Variants in ZNF521 observed in about 807,000 individuals in gnomAD.
The protein encoded by ZNF521 is zinc finger protein 521.
Under a neutral mutation model 105.5 loss-of-function variants are expected in ZNF521, and 14 were observed. That is an observed-to-expected ratio of 0.13 (90% confidence interval 0.09 to 0.21). The LOEUF is 0.21. Among genes scored for constraint, ZNF521 ranks in the 10% least tolerant of loss-of-function variants. The pLI is 1.00. For missense variants in ZNF521, 1,233 were observed against 1,629.7 expected (o/e 0.76, Z 4.19); for synonymous variants, 635 against 606.0 (o/e 1.05, Z -0.70).
intron 3 of ZNF521, among the ~76,000 whole-genome samples, chr18:25,274,447 A>G (rs1363367166): frequency 6.6e-6 from 1 of 152,202 alleles, no homozygotes; most frequent in Non-Finnish European, 1.5e-5. Context: ...TAAAATGCAG[A>G]CTATTACCAT....
intron 3 of ZNF521, among the ~76,000 whole-genome samples, chr18:25,309,944 A>T (rs1912200621): frequency 6.6e-6 from 1 of 152,198 alleles, no homozygotes; most frequent in Admixed American, 6.5e-5. Context: ...ATTTCTTTTA[A>T]ATTTTTTTAA....
intron 3 of ZNF521, among the ~76,000 whole-genome samples, chr18:25,285,710 A>T (rs928826672): frequency 0.07 from 10,490 of 149,682 alleles, 1,162 homozygotes; most frequent in African/African-American, 0.25. Flanking sequence ...ACACACACAC[A>T]CACACACACA....
chr18:25,324,584 T>G (rs1456526895), intron 2 of ZNF521, among the ~76,000 whole-genome samples: 6 of 152,182 alleles, frequency 3.9e-5, no homozygotes, highest in Non-Finnish European at 5.9e-5. Context: ...CTTGGTTGTT[T>G]AGCATGAGTT....
chr18:25,120,577 C>A (rs2144345122), intron 5 of ZNF521, among the ~76,000 whole-genome samples: 1 of 33,236 alleles, frequency 3.0e-5, no homozygotes, highest in African/African-American at 1.0e-4. Flanking sequence ...GAGCAAAACT[C>A]CATCTAAAAA....
At chr18:25,161,277 C>T (rs2035246605) in intron 5 of ZNF521, among the ~76,000 whole-genome samples, 1 of 152,114 alleles carries the variant, frequency 6.6e-6, no homozygotes, top group Non-Finnish European at 1.5e-5. Context: ...TTTGTTTGGA[C>T]ACATTTCCTT....
intron 1 of ZNF521, 142 bp from the exon 2 acceptor site, chr18:25,351,089 C>T (rs1463519738): frequency 1.7e-5 from 6 of 362,438 alleles, no homozygotes; most frequent in African/African-American, 2.2e-5. Context: ...CCGCTCCTCG[C>T]TCCGGCTCCG....
At chr18:25,323,974 T>C (rs764164292) in intron 2 of ZNF521, among the ~76,000 whole-genome samples, 2 of 152,106 alleles carry the variant, frequency 1.3e-5, no homozygotes, top group Non-Finnish European at 2.9e-5. Flanking sequence ...GTTTTGTTTG[T>C]TGGGTTTTTT....
chr18:25,147,602 T>A (rs1350348109), intron 5 of ZNF521, among the ~76,000 whole-genome samples: 1 of 152,148 alleles, frequency 6.6e-6, no homozygotes, highest in Non-Finnish European at 1.5e-5. Context: ...TTAATATTGA[T>A]CTTTAAACAA....
chr18:25,100,171 A>G lies in ZNF521; in HGVS notation c.3659-8090T>C, dbSNP rs114728194. On this transcript the variant is annotated intron_variant, in intron 5 of 7. Transcript: ENST00000361524. ...AAGGAGAAAGTCTCCAAACACTGAA[A>G]AGCTGTTTATCCTTGCTAGAAAGCA... Among the ~76,000 whole-genome samples, 853 of 151,752 alleles carry G rather than the reference A, an allele frequency of 5.6e-3. 2 individuals are homozygous for G. Among genetic ancestry groups the G allele is most frequent in the African/African-American group, 0.02 (808 of 41,392 alleles).
rs78124376 is a variant in ZNF521 at position 25,129,414 on chromosome 18, C to T, written c.3659-37333G>A. Among the ~76,000 whole-genome samples the T allele has an allele frequency of 5.6e-3, 852 of 151,484 alleles. 7 individuals carry two copies. Among genetic ancestry groups the T allele is most frequent in the African/African-American group, 0.019 (804 of 41,320 alleles). The stretch of plus-strand genomic sequence containing the variant: ...GAAGACAACAGGAAAATCTAGGTAC[C>T]GGGTGTTTGGCAATAAATTTTTAGA... On this transcript the variant is annotated intron_variant, in intron 5 of 7. Coordinates refer to ENST00000361524, the MANE Select transcript of ZNF521 (RefSeq NM_015461.3).
chr18:25,118,436 C>CA (rs2034371254), intron 5 of ZNF521, among the ~76,000 whole-genome samples: 1 of 151,434 alleles, frequency 6.6e-6, no homozygotes, highest in Non-Finnish European at 1.5e-5. Context: ...TTACTTAGAG[C>CA]AAAAAATTAT....
At chr18:25,190,601 G>T (rs2035801732) in intron 5 of ZNF521, among the ~76,000 whole-genome samples, 1 of 152,150 alleles carries the variant, frequency 6.6e-6, no homozygotes, top group Non-Finnish European at 1.5e-5. Context: ...CTTCAGAGGT[G>T]ATACTGAAAG....
chr18:25,281,053 T>C (rs1910345820), intron 3 of ZNF521, among the ~76,000 whole-genome samples: 1 of 152,190 alleles, frequency 6.6e-6, no homozygotes, highest in African/African-American at 2.4e-5. Context: ...AGTTGTGAAA[T>C]TTCTCTTACA....
At chr18:25,124,666 G>A (rs2034505795) in intron 5 of ZNF521, among the ~76,000 whole-genome samples, 1 of 151,860 alleles carries the variant, frequency 6.6e-6, no homozygotes, top group Admixed American at 6.6e-5. Flanking sequence ...TTTTCAATTG[G>A]AGAAACAAAT....
chr18:25,265,550 A>G (rs1476169379), intron 3 of ZNF521, among the ~76,000 whole-genome samples: 3 of 152,174 alleles, frequency 2.0e-5, no homozygotes, highest in African/African-American at 7.2e-5. Flanking sequence ...CTCCTCATTC[A>G]TTCTCACATC....
At position 25,226,042 on chromosome 18, in the gene ZNF521, C is replaced by T. The variant is rs778740110; in HGVS notation, c.1876G>A (p.Ala626Thr). ...TATTCTCCAGTGGGACGTGCAGGTGCACCTCCTACTGCCTGCATCATCTTA... is the reference window on the plus strand; with the variant it reads ...TATTCTCCAGTGGGACGTGCAGGTGTACCTCCTACTGCCTGCATCATCTTA... ...SLKMMQAVGG[A>T]PARPTGEYIC... is the part of the protein sequence containing the mutation. The change falls in exon 4 of 8, where the codon GCA becomes ACA. Residue 626 changes from alanine (A) to threonine (T), a missense_variant. Ala to Thr is a moderately conservative substitution (Grantham distance 58). Around this residue, in one of 6 missense-constraint regions of ZNF521, gnomAD observed 614 missense variants for 751.5 expected, o/e 0.82. Coordinates refer to ENST00000361524, the MANE Select transcript of ZNF521 (RefSeq NM_015461.3). The surrounding 1 kb of genome is among the most constrained non-coding windows in gnomAD (Gnocchi z 4.1). 2 of 1,614,082 alleles carry T rather than the reference C, an allele frequency of 1.2e-6. No homozygotes were observed. Among genetic ancestry groups the T allele is most frequent in the South Asian group, 1.1e-5 (1 of 91,090 alleles).
chr18:25,321,981 G>A (rs1476879403), intron 3 of ZNF521, 27 bp downstream of exon 3: 1 of 1,604,388 alleles, frequency 6.2e-7, no homozygotes, highest in East Asian at 2.2e-5. Context: ...AGTACAAGAA[G>A]ACAAAAAAGT....
chr18:25,288,064 G>T (rs1293769206), intron 3 of ZNF521, among the ~76,000 whole-genome samples: 1 of 151,994 alleles, frequency 6.6e-6, no homozygotes, highest in East Asian at 1.9e-4. Context: ...AGCAACAAGA[G>T]TTGTAAACCT....
intron 5 of ZNF521, among the ~76,000 whole-genome samples, chr18:25,104,201 C>T (rs977432057): frequency 6.6e-6 from 1 of 152,020 alleles, no homozygotes; most frequent in Non-Finnish European, 1.5e-5. Flanking sequence ...TAACCTGAAC[C>T]AGCTCATTCA....
Sources: allele counts gnomAD v4.1 joint callset (sites outside exome capture counted in the v4.1 genomes callset), GRCh38; gene constraint gnomAD v4.1.1; regional missense constraint gnomAD v4.1.1; non-coding constraint Gnocchi (gnomAD v3.1); transcripts MANE v1.5; gene names NCBI Gene and HGNC (gene_info 2026-07-23, HGNC 2026-07-21).